The following DMXL1 variants were observed in gnomAD, a reference collection of about 807,000 sequenced individuals.
DMXL1 encodes the protein dmX-like protein 1.
A neutral mutation model predicts 319.2 loss-of-function variants in DMXL1; 99 were observed. The ratio of observed to expected loss-of-function variants is 0.31; its 90% CI spans 0.26 to 0.37. The LOEUF is 0.37. DMXL1 is among the 10% of genes least tolerant of loss of function. The probability of loss-of-function intolerance (pLI) is 1.00; values close to 1 mark genes in which losing one functional copy is unlikely to be tolerated. For synonymous variants in DMXL1, 1,385 were observed against 1,235.2 expected, an observed-to-expected ratio of 1.12 and a Z score of -2.54; for missense variants, 3,745 against 3,595.6, an observed-to-expected ratio of 1.04 and a Z score of -1.06.
intron 42 of DMXL1, among the ~76,000 whole-genome samples, chr5:119,244,119 C>T (rs1342669703): frequency 6.6e-6 from 1 of 152,188 alleles, no homozygotes; most frequent in Non-Finnish European, 1.5e-5. Context: ...GGTCAGGAAA[C>T]TCTAAGTAGT....
Position 119,244,587 on chromosome 5 carries a change from T to A in DMXL1, c.8922+11T>A. 6.3e-7 allele frequency: 1 copy of A among 1,598,810 alleles called. No homozygotes were observed. The highest frequency in any genetic ancestry group is 8.6e-7 in the Non-Finnish European group (1 of 1,166,610). On this transcript the variant is annotated intron_variant, in intron 43 of 43. Transcript: ENST00000539542. Reference sequence around the variant, plus strand: ...GAAGGCAATATAAAGGTAAACACAGTTGATGCCACAACATCTACAAAATGA... The same window carrying A: ...GAAGGCAATATAAAGGTAAACACAGATGATGCCACAACATCTACAAAATGA...
chr5:119,088,301 A>G (rs1286443151), intron 1 of DMXL1, among the ~76,000 whole-genome samples: 3 of 152,182 alleles, frequency 2.0e-5, no homozygotes, highest in Non-Finnish European at 4.4e-5. Context: ...TGCATGGAAT[A>G]TCTTCTTCCA....
intron 38 of DMXL1, among the ~76,000 whole-genome samples, chr5:119,230,511 CAGAA>C (rs1479016192): frequency 6.6e-6 from 1 of 152,158 alleles, no homozygotes; most frequent in Admixed American, 6.6e-5. Context: ...AACATACAGG[CAGAA>C]GCAGATTCTA....
At chr5:119,217,242 G>A (rs1245318470) in intron 35 of DMXL1, among the ~76,000 whole-genome samples, 2 of 152,024 alleles carry the variant, frequency 1.3e-5, no homozygotes, top group Non-Finnish European at 2.9e-5. Context: ...ATAGACAATC[G>A]CTTTAGAATT....
intron 42 of DMXL1, 96 bp from the exon 43 acceptor site, chr5:119,244,263 T>C: frequency 1.1e-6 from 1 of 885,402 alleles, no homozygotes; most frequent in South Asian, 1.8e-5. Flanking sequence ...TCAGGCAGGA[T>C]TGCAAATCTG....
intron 39 of DMXL1, chr5:119,236,184 T>C (rs1161582265): frequency 6.6e-6 from 1 of 152,080 alleles, no homozygotes; most frequent in Non-Finnish European, 1.5e-5. Flanking sequence ...TTGAGACTTA[T>C]TCTTGTCTGC....
At chr5:119,090,876 GT>G (rs1754646196) in intron 1 of DMXL1, among the ~76,000 whole-genome samples, 1 of 151,816 alleles carries the variant, frequency 6.6e-6, no homozygotes. Context: ...TCCTCTGTGT[GT>G]TTTTAAATAG....
chr5:119,204,060 G>T (rs1781315381), intron 33 of DMXL1, among the ~76,000 whole-genome samples: 1 of 152,012 alleles, frequency 6.6e-6, no homozygotes, highest in Non-Finnish European at 1.5e-5. Context: ...CTGACCTGGT[G>T]ATCCACCCGC....
rs11301800 is a variant in DMXL1 at position 119,165,286 on chromosome 5, TAAAAAAAAAAA to T, written c.4970+14_4970+24del. 1.2e-5 allele frequency: 11 copies of T among 884,614 alleles called. No individual in the cohort carries two copies. Among genetic ancestry groups the T allele is most frequent in the Non-Finnish European group, 1.8e-5 (11 of 611,256 alleles). 54.8% of individuals were successfully genotyped at this position (884,614 alleles called of 1,614,324 possible). ...GTGATTTGGGGATTATATAGGTAGG[TAAAAAAAAAAA>T]AAAAAAAGGGTGCTTCAATGTGAAA... is the stretch of plus-strand genomic sequence containing the variant. On this transcript the variant is annotated splice_region_variant and intron_variant, in intron 21 of 43. Transcript: ENST00000539542.
intron 15 of DMXL1, among the ~76,000 whole-genome samples, chr5:119,145,731 G>A (rs1432574398): frequency 6.6e-6 from 1 of 151,308 alleles, no homozygotes; most frequent in Non-Finnish European, 1.5e-5. Flanking sequence ...TTCTCTTTAA[G>A]GCTAAGATTT....
intron 1 of DMXL1, among the ~76,000 whole-genome samples, chr5:119,083,359 G>A (rs1385149974): frequency 1.3e-5 from 2 of 152,024 alleles, no homozygotes; most frequent in African/African-American, 4.8e-5. Context: ...ATATTTCATT[G>A]TGTACATATA....
rs1783805119 is a variant in DMXL1 at position 119,216,962 on chromosome 5, T to C, written c.7988T>C (p.Ile2663Thr). The stretch of plus-strand genomic sequence containing the variant: ...AGAATTATTCATAAGGAATCTGATA[T>C]CATTACTGCGTTTGCTGTTAATAAG... ...KARIIHKESD[I>T]ITAFAVNKAN... Residue 2663 changes from isoleucine to threonine, a missense_variant, in exon 35 of 44, where the codon ATC becomes ACC. Physicochemically the swap from Ile to Thr is moderately conservative, Grantham distance 89. Coordinates refer to ENST00000539542, the MANE Select transcript of DMXL1 (RefSeq NM_001290321.3). 2 of 1,596,566 alleles carry C rather than the reference T, an allele frequency of 1.3e-6. No homozygotes were observed. Among genetic ancestry groups the C allele is most frequent in the Non-Finnish European group, 1.7e-6 (2 of 1,170,366 alleles).
intron 32 of DMXL1, among the ~76,000 whole-genome samples, chr5:119,199,894 A>G (rs534060049): frequency 1.0e-3 from 152 of 152,180 alleles, no homozygotes; most frequent in Non-Finnish European, 1.7e-3. Flanking sequence ...GTGTCTGTTC[A>G]TGTCCTTTGC....
chr5:119,126,377 C>G (rs1763579566), intron 9 of DMXL1, among the ~76,000 whole-genome samples: 2 of 152,150 alleles, frequency 1.3e-5, no homozygotes, highest in African/African-American at 4.8e-5. Context: ...AAGTTTGCGT[C>G]ATAGCAATTT....
intron 37 of DMXL1, among the ~76,000 whole-genome samples, chr5:119,223,118 G>A (rs1381786587): frequency 1.4e-5 from 2 of 143,606 alleles, no homozygotes; most frequent in Admixed American, 7.2e-5. Context: ...GTGCAGTGGT[G>A]CAATATTGGC....
chr5:119,180,191 A>T (rs1219076446), intron 28 of DMXL1, among the ~76,000 whole-genome samples: 1 of 152,326 alleles, frequency 6.6e-6, no homozygotes, highest in South Asian at 2.1e-4. Context: ...ACTGAAGTTA[A>T]TATTTTGGGA....
intron 28 of DMXL1, chr5:119,178,647 C>G (rs1776263894): frequency 8.1e-6 from 8 of 985,256 alleles, no homozygotes; most frequent in Non-Finnish European, 8.4e-6. Flanking sequence ...TTTTCCAAAG[C>G]TCTTTCAGCC....
At chr5:119,152,174 A>G in intron 19 of DMXL1, 138 bp downstream of exon 19, 1 of 605,346 alleles carries the variant, frequency 1.7e-6, no homozygotes, top group Non-Finnish European at 2.8e-6. Flanking sequence ...TATTTGTTAA[A>G]ATGTTTATTT....
chr5:119,071,509 G>A lies in DMXL1; in HGVS notation c.-61G>A. On this transcript the variant is annotated 5_prime_UTR_variant, in exon 1 of 44. Coordinates refer to ENST00000539542, the MANE Select transcript of DMXL1 (RefSeq NM_001290321.3). Reference sequence around the variant, plus strand: ...GCCCCTGAGGGAAGGAGGGAGGGAAGCAGCCGCTGACCCGTGGCATGAGCT... The same window carrying A: ...GCCCCTGAGGGAAGGAGGGAGGGAAACAGCCGCTGACCCGTGGCATGAGCT... The A allele has an allele frequency of 1.3e-6, 2 of 1,503,814 alleles. No homozygotes were observed. Among genetic ancestry groups the A allele is most frequent in the Non-Finnish European group, 1.8e-6 (2 of 1,102,598 alleles). 93.2% of individuals were successfully genotyped at this position (1,503,814 alleles called of 1,614,324 possible).
Sources: allele counts gnomAD v4.1 joint callset (sites outside exome capture counted in the v4.1 genomes callset), GRCh38; gene constraint gnomAD v4.1.1; transcripts MANE v1.5; gene names NCBI Gene and HGNC (gene_info 2026-07-23, HGNC 2026-07-21).